The following TEX264 variants were observed in gnomAD, a reference collection of about 807,000 sequenced individuals.
The protein encoded by TEX264 is testis expressed 264, ER-phagy receptor.
In TEX264, 13 loss-of-function variants were observed where a neutral mutation model predicts 23.4. The ratio of observed to expected loss-of-function variants is 0.56; its 90% CI spans 0.36 to 0.88. TEX264 has a LOEUF of 0.88. TEX264 is among the 40% of genes least tolerant of loss of function. TEX264 has a pLI of 0.01. For missense variants in TEX264, 340 were observed against 406.8 expected (o/e 0.84, Z 1.41); for synonymous variants, 159 against 170.0 (o/e 0.94, Z 0.50).
rs1300617178 is a variant in TEX264 at position 51,674,490 on chromosome 3, G to C, written c.186G>C (p.Arg62=). 15 of 1,614,112 alleles carry C rather than the reference G, an allele frequency of 9.3e-6. No individual in the cohort carries two copies. The highest frequency in any genetic ancestry group is 1.3e-5 in the Non-Finnish European group (15 of 1,180,040). The change falls in exon 2 of 5, where the codon CGG becomes CGC. Residue 62 remains arginine, a synonymous_variant. Coordinates refer to ENST00000341333, the MANE Select transcript of TEX264 (RefSeq NM_015926.6). ...TGGGGCTCTATGGTGAGACTGGGCGGCTTTTCACTGAGAGCTGCAGCATCT... is the reference window on the plus strand; with the variant it reads ...TGGGGCTCTATGGTGAGACTGGGCGCCTTTTCACTGAGAGCTGCAGCATCT... ...FHMGLYGETG[R]LFTESCSISP...
intron 2 of TEX264, 132 bp from the exon 3 acceptor site, chr3:51,684,281 G>A (rs1702533767): frequency 1.3e-6 from 1 of 759,528 alleles, no homozygotes; most frequent in African/African-American, 1.8e-5. Flanking sequence ...GCTGTGTCCT[G>A]GTATCTGGGG....
intron 4 of TEX264, among the ~76,000 whole-genome samples, chr3:51,702,996 G>A (rs1211707379): frequency 6.6e-5 from 10 of 152,214 alleles, no homozygotes; most frequent in African/African-American, 1.7e-4. Context: ...GTCATTGGGG[G>A]TGGGGTGGGT....
intron 3 of TEX264, among the ~76,000 whole-genome samples, chr3:51,692,507 TC>T (rs1340010771): frequency 6.6e-6 from 1 of 152,160 alleles, no homozygotes; most frequent in Non-Finnish European, 1.5e-5. Context: ...CTCTCTTCTG[TC>T]CCCTGTCTCC....
In TEX264 at chr3:51,690,557, C is replaced by CAAAAA. The variant is rs1301569354; in HGVS notation, c.480+5938_480+5942dup. Among the ~76,000 whole-genome samples, 5 of 55,908 alleles carry CAAAAA rather than the reference C, an allele frequency of 8.9e-5. No homozygotes were observed. In the East Asian group the frequency reaches 2.3e-3, roughly 26 times the overall value. 36.7% of individuals were successfully genotyped at this position (55,908 alleles called of 152,430 possible). A position where few individuals can be genotyped will look rare whatever the true frequency, so the allele number is the denominator to read the frequency against. ...TGGGTGACAGAGCAAGACTCCGTCTCAAAAAAAAAAAAAAAAAAAGCAGGT... is the reference window on the plus strand; with the variant it reads ...TGGGTGACAGAGCAAGACTCCGTCTCAAAAAAAAAAAAAAAAAAAAAAAAGCAGGT... On this transcript the variant is annotated intron_variant, in intron 3 of 4. Transcript: ENST00000341333.
intron 3 of TEX264, among the ~76,000 whole-genome samples, chr3:51,694,889 T>C (rs1702995918): frequency 6.6e-6 from 1 of 152,144 alleles, no homozygotes; most frequent in South Asian, 2.1e-4. Flanking sequence ...GGCCAGAAGC[T>C]TTGGGGCAGC....
intron 3 of TEX264, among the ~76,000 whole-genome samples, chr3:51,694,233 C>A (rs926892524): frequency 2.0e-5 from 3 of 151,980 alleles, no homozygotes; most frequent in Non-Finnish European, 2.9e-5. Flanking sequence ...CGCATTCAAG[C>A]AATTCTCCTG....
chr3:51,699,637 G>T, intron 4 of TEX264, 63 bp downstream of exon 4: 1 of 1,578,768 alleles, frequency 6.3e-7, no homozygotes, highest in Non-Finnish European at 8.7e-7. Context: ...GACTCCAGGG[G>T]CTTGGTTGAG....
intron 3 of TEX264, among the ~76,000 whole-genome samples, chr3:51,697,213 C>T (rs530857296): frequency 2.6e-5 from 4 of 152,362 alleles, no homozygotes; most frequent in African/African-American, 9.6e-5. Context: ...AGAGCTGCCT[C>T]CCGCCTGCCA....
intron 2 of TEX264, among the ~76,000 whole-genome samples, chr3:51,678,451 C>T (rs986256336): frequency 6.6e-6 from 1 of 152,236 alleles, no homozygotes; most frequent in African/African-American, 2.4e-5. Context: ...AGCAACCTGC[C>T]TGCTTGCTTA....
At chr3:51,699,304 C>G in intron 3 of TEX264, 102 bp from the exon 4 acceptor site, 1 of 1,283,074 alleles carries the variant, frequency 7.8e-7, no homozygotes, top group Non-Finnish European at 1.1e-6. Flanking sequence ...AGAGCCAGCC[C>G]CTGGGACAGA....
chr3:51,690,789 G>A (rs2106974720), intron 3 of TEX264, among the ~76,000 whole-genome samples: 1 of 152,284 alleles, frequency 6.6e-6, no homozygotes, highest in Non-Finnish European at 1.5e-5. Flanking sequence ...CCAGCTAGGA[G>A]GCGTCATAGA....
intron 3 of TEX264, among the ~76,000 whole-genome samples, chr3:51,697,216 G>A (rs1056441664): frequency 3.9e-5 from 6 of 152,242 alleles, no homozygotes; most frequent in African/African-American, 1.2e-4. Flanking sequence ...GCTGCCTCCC[G>A]CCTGCCAACG....
intron 4 of TEX264, among the ~76,000 whole-genome samples, chr3:51,701,908 A>G (rs1274688681): frequency 1.3e-5 from 2 of 152,254 alleles, no homozygotes; most frequent in Non-Finnish European, 2.9e-5. Flanking sequence ...CTGGGATTAC[A>G]GGCGTGAGCC....
chr3:51,685,539 T>A (rs1357453153), intron 3 of TEX264, among the ~76,000 whole-genome samples: 1 of 152,218 alleles, frequency 6.6e-6, no homozygotes, highest in African/African-American at 2.4e-5. Context: ...AGGGACAGCC[T>A]CTCAGAGGAG....
intron 1 of TEX264, among the ~76,000 whole-genome samples, chr3:51,673,765 G>T (rs1702131884): frequency 1.3e-5 from 2 of 152,036 alleles, no homozygotes; most frequent in Admixed American, 6.5e-5. Flanking sequence ...GTTCCTTATG[G>T]TTTCCCTGTC....
chr3:51,673,934 G>C (rs1030236005), intron 1 of TEX264, among the ~76,000 whole-genome samples: 9 of 152,138 alleles, frequency 5.9e-5, no homozygotes, highest in African/African-American at 2.2e-4. Context: ...TCTTCGGGGA[G>C]ACTTGTCAGG....
chr3:51,696,595 C>T (rs1703066634), intron 3 of TEX264, among the ~76,000 whole-genome samples: 1 of 152,180 alleles, frequency 6.6e-6, no homozygotes, highest in South Asian at 2.1e-4. Flanking sequence ...CTTGTCCTGC[C>T]CCTCACCTTC....
chr3:51,684,597 C>A lies in TEX264; in HGVS notation c.443C>A (p.Thr148Asn), dbSNP rs777358599. ...ACCATTCTGTCCATCTGGCTGGCTA[C>A]CCGCCGTGTCCATCCTGCCTTGGAC... ...YTTILSIWLA[T>N]RRVHPALDTY... The change falls in exon 3 of 5, where the codon ACC (threonine) becomes AAC (asparagine). Residue 148 changes from threonine (T) to asparagine (N), a missense_variant. Thr to Asn is a moderately conservative substitution (Grantham distance 65). Coordinates refer to ENST00000341333, the MANE Select transcript of TEX264 (RefSeq NM_015926.6). 3.1e-6 allele frequency: 5 copies of A among 1,614,234 alleles called. No individual in the cohort carries two copies. Among genetic ancestry groups the A allele is most frequent in the Non-Finnish European group, 4.2e-6 (5 of 1,180,028 alleles).
chr3:51,682,933 G>C (rs1702486781), intron 2 of TEX264: 1 of 152,286 alleles, frequency 6.6e-6, no homozygotes, highest in Non-Finnish European at 1.5e-5. Context: ...AGGAAGGCCT[G>C]GGTTGGCCTG....
Sources: gnomAD v4.1 joint callset for allele counts (sites outside exome capture counted in the v4.1 genomes callset) on GRCh38, gnomAD v4.1.1 for gene constraint, MANE v1.5 for transcripts, NCBI Gene and HGNC (gene_info 2026-07-23, HGNC 2026-07-21) for gene names.